The following HS3ST3B1 variants were observed in gnomAD, a reference collection of about 807,000 sequenced individuals.
HS3ST3B1 encodes the protein heparan sulfate-glucosamine 3-sulfotransferase 3B1.
In HS3ST3B1, 13 loss-of-function variants were observed where a neutral mutation model predicts 21.3. The ratio of observed to expected loss-of-function variants is 0.61; its 90% CI spans 0.40 to 0.97. The LOEUF (loss-of-function observed/expected upper bound fraction) is 0.97, where lower values mean the gene tolerates loss of function less well. Ranked by LOEUF, HS3ST3B1 falls within the 50% of genes least tolerant of loss-of-function variation. The pLI, the probability that HS3ST3B1 is intolerant of heterozygous loss-of-function variation, is 0.00. For synonymous variants in HS3ST3B1, 234 were observed against 254.8 expected, an observed-to-expected ratio of 0.92 and a Z score of 0.78; for missense variants, 459 against 554.8, an observed-to-expected ratio of 0.83 and a Z score of 1.73.
intron 1 of HS3ST3B1, among the ~76,000 whole-genome samples, chr17:14,311,965 C>A (rs796605453): frequency 6.6e-6 from 1 of 151,970 alleles, no homozygotes; most frequent in Non-Finnish European, 1.5e-5. Context: ...ATCTGAAAAC[C>A]ATTTAAGGAG....
chr17:14,339,251 G>A (rs1254306588), intron 1 of HS3ST3B1, among the ~76,000 whole-genome samples: 1 of 152,088 alleles, frequency 6.6e-6, no homozygotes, highest in Non-Finnish European at 1.5e-5. Context: ...CCTCATAGAA[G>A]GCAGTTAACA....
chr17:14,305,349 C>T (rs1275013330), intron 1 of HS3ST3B1: 1 of 152,192 alleles, frequency 6.6e-6, no homozygotes, highest in Non-Finnish European at 1.5e-5. Context: ...GGTGTTACTT[C>T]CTGTTCCATG....
Position 14,345,566 on chromosome 17 carries a change from G to T in HS3ST3B1, c.1093G>T (p.Val365Leu), listed in dbSNP as rs770873994. ...CCATCCTGAGATCGACCGCGAGGTG[G>T]TGCGCAGGCTGCGCGAGTTCTACCG... ...RTHPEIDREVVRRLREFYRPF... is the reference protein window; with the variant it reads ...RTHPEIDREVLRRLREFYRPF... The change falls in exon 2 of 2, where the codon GTG (valine) becomes TTG (leucine). Residue 365 changes from valine to leucine, a missense_variant. Val to Leu is a conservative substitution (Grantham distance 32). Transcript: ENST00000360954. The T allele has an allele frequency of 6.3e-7, 1 of 1,577,014 alleles. No individual in the cohort carries two copies. Among genetic ancestry groups the T allele is most frequent in the Admixed American group, 1.8e-5 (1 of 54,082 alleles).
At chr17:14,313,108 GTATATATATATATA>G (rs1555548199) in intron 1 of HS3ST3B1, among the ~76,000 whole-genome samples, 2 of 73,728 alleles carry the variant, frequency 2.7e-5, no homozygotes, top group South Asian at 1.1e-3. Flanking sequence ...GTGTGTGTGT[GTATATATATATATA>G]TGTGTGTGTG....
In HS3ST3B1 at chr17:14,345,572, A is replaced by G; in HGVS notation, c.1099A>G (p.Arg367Gly). 1 of 1,561,520 alleles carries G rather than the reference A, an allele frequency of 6.4e-7. No homozygotes were observed. The highest frequency in any genetic ancestry group is 1.7e-4 in the Middle Eastern group (1 of 5,786). ...TGAGATCGACCGCGAGGTGGTGCGC[A>G]GGCTGCGCGAGTTCTACCGGCCTTT... ...HPEIDREVVR[R>G]LREFYRPFNL... Residue 367 changes from arginine (R) to glycine (G), a missense_variant, in exon 2 of 2, where the codon AGG (arginine) becomes GGG (glycine). Physicochemically the swap from Arg to Gly is moderately radical, Grantham distance 125. Transcript: ENST00000360954.
At chr17:14,341,275 C>T (rs887502551) in intron 1 of HS3ST3B1, among the ~76,000 whole-genome samples, 1 of 152,182 alleles carries the variant, frequency 6.6e-6, no homozygotes, top group South Asian at 2.1e-4. Context: ...GGACCCCAGG[C>T]AGGCTGAGAG....
intron 1 of HS3ST3B1, among the ~76,000 whole-genome samples, chr17:14,320,688 T>C (rs1162486386): frequency 6.6e-6 from 1 of 152,124 alleles, no homozygotes; most frequent in Admixed American, 6.5e-5. Flanking sequence ...TCCTCTCAGG[T>C]TGTGTTCCAG....
rs141266505 is a variant in HS3ST3B1 at position 14,325,942 on chromosome 17, A to G, written c.555-19086A>G. Among the ~76,000 whole-genome samples, 739 of 152,346 alleles carry G rather than the reference A, an allele frequency of 4.9e-3. 5 individuals are homozygous for G. Among genetic ancestry groups the G allele is most frequent in the Non-Finnish European group, 9.0e-3 (610 of 68,040 alleles). The stretch of plus-strand genomic sequence containing the variant: ...AACTGTTTATTTTTGCCACAGTGCA[A>G]ATAAGCCAGTCCTCACCCCCTTGGA... On this transcript the variant is annotated intron_variant, in intron 1 of 1. Coordinates refer to ENST00000360954, the MANE Select transcript of HS3ST3B1 (RefSeq NM_006041.3).
At chr17:14,312,713 C>T (rs1364216227) in intron 1 of HS3ST3B1, among the ~76,000 whole-genome samples, 1 of 151,930 alleles carries the variant, frequency 6.6e-6, no homozygotes, top group South Asian at 2.1e-4. Context: ...TCTCTCCCAC[C>T]TGCCCTTTGT....
At position 14,330,043 on chromosome 17, in the gene HS3ST3B1, C is replaced by T. The variant is rs1176745661; in HGVS notation, c.555-14985C>T. ...TCCTTTTACAGATGAGGAAAGATGG[C>T]ACAGAGACGTTGTGCACTTGCCTGA... On this transcript the variant is annotated intron_variant, in intron 1 of 1. Transcript: ENST00000360954. 7.9e-5 allele frequency among the ~76,000 whole-genome samples: 12 copies of T among 152,196 alleles called. No individual in the cohort carries two copies. The East Asian group carries it at 1.7e-3, about 22-fold the overall frequency.
intron 1 of HS3ST3B1, among the ~76,000 whole-genome samples, chr17:14,337,630 CCTG>C: frequency 6.6e-5 from 10 of 151,582 alleles, no homozygotes; most frequent in African/African-American, 2.2e-4. Flanking sequence ...AGCCATTGCA[CCTG>C]ACCTGCCTGA....
rs960847083 is a variant in HS3ST3B1, at chr17:14,348,444, T to C, written c.*2798T>C. 1 of 152,234 alleles carries C rather than the reference T, an allele frequency of 6.6e-6. No homozygotes were observed. Among genetic ancestry groups the C allele is most frequent in the Admixed American group, 6.5e-5 (1 of 15,286 alleles). 9.4% of individuals were successfully genotyped at this position (152,234 alleles called of 1,614,324 possible). A position where few individuals can be genotyped will look rare whatever the true frequency, so the allele number is the denominator to read the frequency against. ...CTCATAAGGGTCTGCAAGGGTCTGA[T>C]GGTTTAAAGTTCCTAACAGATCTGG... On this transcript the variant is annotated 3_prime_UTR_variant, in exon 2 of 2. Coordinates refer to ENST00000360954, the MANE Select transcript of HS3ST3B1 (RefSeq NM_006041.3).
chr17:14,308,486 CAT>C (rs1909200779), intron 1 of HS3ST3B1, among the ~76,000 whole-genome samples: 1 of 152,040 alleles, frequency 6.6e-6, no homozygotes, highest in Non-Finnish European at 1.5e-5. Context: ...ATGGATGAAA[CAT>C]GTTTAAATAG....
chr17:14,305,514 T>A (rs1279931131), intron 1 of HS3ST3B1: 1 of 152,246 alleles, frequency 6.6e-6, no homozygotes, highest in Non-Finnish European at 1.5e-5. Context: ...TTAAAGTTTC[T>A]CTTTGTGATT....
chr17:14,313,973 T>C (rs1374385042), intron 1 of HS3ST3B1, among the ~76,000 whole-genome samples: 1 of 152,082 alleles, frequency 6.6e-6, no homozygotes, highest in East Asian at 1.9e-4. Context: ...TTTGGGTTTC[T>C]TTTTTTGTTT....
chr17:14,307,584 A>G (rs1909176548), intron 1 of HS3ST3B1, among the ~76,000 whole-genome samples: 1 of 152,198 alleles, frequency 6.6e-6, no homozygotes, highest in African/African-American at 2.4e-5. Context: ...AAAGCACACC[A>G]GGAATTTTTT....
At chr17:14,321,150 C>T (rs928601714) in intron 1 of HS3ST3B1, among the ~76,000 whole-genome samples, 1 of 152,136 alleles carries the variant, frequency 6.6e-6, no homozygotes, top group East Asian at 1.9e-4. Flanking sequence ...TGGACTTTTC[C>T]CCAGGATTGC....
chr17:14,333,204 A>AT (rs1436088565), intron 1 of HS3ST3B1, among the ~76,000 whole-genome samples: 1 of 152,152 alleles, frequency 6.6e-6, no homozygotes, highest in Non-Finnish European at 1.5e-5. Context: ...ACGGTGGCTC[A>AT]TGCCTGTAAT....
intron 1 of HS3ST3B1, among the ~76,000 whole-genome samples, chr17:14,333,589 G>A (rs994762576): frequency 2.0e-5 from 3 of 152,068 alleles, no homozygotes; most frequent in Non-Finnish European, 4.4e-5. Context: ...TATAGCCAAG[G>A]TGCTGTGGGT....
Sources: allele counts gnomAD v4.1 joint callset (sites outside exome capture counted in the v4.1 genomes callset), GRCh38; gene constraint gnomAD v4.1.1; transcripts MANE v1.5; gene names NCBI Gene and HGNC (gene_info 2026-07-23, HGNC 2026-07-21).